PRICKLE4: variants seen among roughly 807,000 people sequenced by gnomAD.
PRICKLE4 encodes the protein prickle-like protein 4.
In PRICKLE4, 40 loss-of-function variants were observed where a neutral mutation model predicts 43.5. The observed-to-expected ratio is 0.92, with a 90% CI of 0.71 to 1.20. The LOEUF (loss-of-function observed/expected upper bound fraction) is 1.20. Among genes scored for constraint, PRICKLE4 ranks in the 50% most tolerant of loss-of-function variants. The pLI, the probability that PRICKLE4 is intolerant of heterozygous loss-of-function variation, is 0.00. For synonymous variants in PRICKLE4, 208 were observed against 197.4 expected (o/e 1.05, Z -0.45); for missense variants, 527 against 491.2 (o/e 1.07, Z -0.69).
chr6:41,786,243 G>A lies in PRICKLE4; in HGVS notation c.698G>A (p.Gly233Glu). ...GGGGGACGTTATGCCCTGCCTGGGG[G>A]AAGCCCCTGCTGCCCCAGCTGCTTC... ...LGGGRYALPG[G>E]SPCCPSCFEN... Residue 233 changes from glycine to glutamate, a missense_variant, in exon 7 of 8, where the codon GGA becomes GAA. Coordinates refer to ENST00000458694, the MANE Select transcript of PRICKLE4 (RefSeq NM_013397.6). 6 of 1,602,414 alleles carry A rather than the reference G, an allele frequency of 3.7e-6. No individual in the cohort carries two copies. Among genetic ancestry groups the A allele is most frequent in the Non-Finnish European group, 5.1e-6 (6 of 1,171,336 alleles).
chr6:41,784,485 G>A (rs946643788), intron 4 of PRICKLE4, among the ~76,000 whole-genome samples: 1 of 152,220 alleles, frequency 6.6e-6, no homozygotes, highest in Non-Finnish European at 1.5e-5. Context: ...GGACATGAAC[G>A]ACTTTTGAAA....
intron 2 of PRICKLE4, among the ~76,000 whole-genome samples, chr6:41,782,614 G>A (rs1201611295): frequency 2.0e-5 from 3 of 149,940 alleles, no homozygotes; most frequent in Admixed American, 1.3e-4. Context: ...GGATGGTCTC[G>A]ATCTCCTGAC....
In PRICKLE4 at chr6:41,783,544, C is replaced by T. The variant is rs2127305727; in HGVS notation, c.71C>T (p.Ala24Val). 2.5e-6 allele frequency: 4 copies of T among 1,612,650 alleles called. No homozygotes were observed. The highest frequency in any genetic ancestry group is 2.2e-5 in the South Asian group (2 of 90,984). The change falls in exon 3 of 8, where the codon GCC becomes GTC. Residue 24 changes from alanine to valine, a missense_variant. Coordinates refer to ENST00000458694, the MANE Select transcript of PRICKLE4 (RefSeq NM_013397.6). The stretch of plus-strand genomic sequence containing the variant: ...AAGCCCCAGGATCCAGGTCCACCAG[C>T]CAACTCAGACAGTGACTCAGGCCAC... ...SPKPQDPGPPANSDSDSGHLP... is the reference protein window; with the variant it reads ...SPKPQDPGPPVNSDSDSGHLP...
At chr6:41,781,800 A>G (rs1398386989) in intron 2 of PRICKLE4, among the ~76,000 whole-genome samples, 1 of 152,174 alleles carries the variant, frequency 6.6e-6, no homozygotes, top group African/African-American at 2.4e-5. Flanking sequence ...GGGCAAGTTA[A>G]TTAACTTGTT....
chr6:41,786,520 G>C, intron 7 of PRICKLE4, 188 bp downstream of exon 7: 1 of 1,026,974 alleles, frequency 9.7e-7, no homozygotes, highest in Non-Finnish European at 1.4e-6. Context: ...AGCGTTCCAA[G>C]GGCCGCCCGA....
At position 41,785,089 on chromosome 6, in the gene PRICKLE4, C is replaced by T. The variant is rs748704693; in HGVS notation, c.378+17C>T. The T allele has an allele frequency of 5.0e-6, 8 of 1,612,526 alleles. No individual in the cohort carries two copies. The highest frequency in any genetic ancestry group is 6.8e-6 in the Non-Finnish European group (8 of 1,179,492). On this transcript the variant is annotated intron_variant, in intron 5 of 7. Transcript: ENST00000458694. ...TGTGAGAAGGTATGTAGCACCCCTC[C>T]CCCCAAATTCCCCTTCCTCTATTCT...
intron 7 of PRICKLE4, 127 bp from the exon 8 acceptor site, chr6:41,786,635 C>T (rs778051547): frequency 3.6e-5 from 51 of 1,408,960 alleles, no homozygotes; most frequent in African/African-American, 8.9e-5. Context: ...GGACTCTCGG[C>T]GGCGGCGGCG....
chr6:41,783,372 TGAGGGAAATA>T, intron 2 of PRICKLE4, 80 bp from the exon 3 acceptor site: 1 of 1,300,628 alleles, frequency 7.7e-7, no homozygotes, highest in South Asian at 1.7e-5. Flanking sequence ...TTGGGAGGAC[TGAGGGAAATA>T]ATATCTATAA....
intron 3 of PRICKLE4, 170 bp downstream of exon 3, chr6:41,783,775 C>G: frequency 1.0e-6 from 1 of 952,724 alleles, no homozygotes; most frequent in Non-Finnish European, 1.7e-6. Flanking sequence ...GGGGTTTTGA[C>G]TTTAAACTCA....
chr6:41,786,185 T>C lies in PRICKLE4; in HGVS notation c.640T>C (p.Phe214Leu), dbSNP rs1245723112. The stretch of plus-strand genomic sequence containing the variant: ...GGGACAGCGCTGGCATGAGAACCAC[T>C]TCTGTTGCCAGGACTGCGCCGGGCC... Reference protein sequence around the residue: ...AEGQRWHENHFCCQDCAGPLG... With the variant: ...AEGQRWHENHLCCQDCAGPLG... Residue 214 changes from phenylalanine to leucine, a missense_variant, in exon 7 of 8, where the codon TTC becomes CTC. By Grantham distance (22) the Phe-to-Leu change is conservative. Transcript: ENST00000458694. 1 of 1,612,678 alleles carries C rather than the reference T, an allele frequency of 6.2e-7. No homozygotes were observed.
chr6:41,786,276 GCTA>G lies in PRICKLE4; in HGVS notation c.734_736del (p.Tyr245del). ...TGCTGCCCCAGCTGCTTCGAGAACC[GCTA>G]CTCGGATGCAGGCTCGAGCTGGGCC... On this transcript the variant is annotated inframe_deletion, in exon 7 of 8. Transcript: ENST00000458694. The G allele has an allele frequency of 6.3e-7, 1 of 1,596,310 alleles. No individual in the cohort carries two copies. The highest frequency in any genetic ancestry group is 8.6e-7 in the Non-Finnish European group (1 of 1,167,496).
chr6:41,786,673 G>A (rs1286920451), intron 7 of PRICKLE4, 89 bp from the exon 8 acceptor site: 12 of 1,590,596 alleles, frequency 7.5e-6, no homozygotes, highest in Non-Finnish European at 7.7e-6. Context: ...GCTGGGCGGG[G>A]CGGGAGGCTG....
rs1272303712 is a variant in PRICKLE4 at position 41,785,523 on chromosome 6, T to TGCCC, written c.567_570dup (p.Ala191ProfsTer4). On this transcript the variant is annotated frameshift_variant, in exon 6 of 8. Transcript: ENST00000458694. LOFTEE classifies it high-confidence loss of function. ...TCATGCAGAGTTGCTGCGCCCGCGC[T>TGCCC]GCCCGGCTTGTGACCAGGTACAGCC... The TGCCC allele has an allele frequency of 6.2e-7, 1 of 1,613,142 alleles. No individual in the cohort carries two copies. The highest frequency in any genetic ancestry group is 1.7e-5 in the Admixed American group (1 of 60,024).
At position 41,785,084 on chromosome 6, in the gene PRICKLE4, C is replaced by T; in HGVS notation, c.378+12C>T. The stretch of plus-strand genomic sequence containing the variant: ...ACACCTGTGAGAAGGTATGTAGCAC[C>T]CCTCCCCCCAAATTCCCCTTCCTCT... On this transcript the variant is annotated intron_variant, in intron 5 of 7. Coordinates refer to ENST00000458694, the MANE Select transcript of PRICKLE4 (RefSeq NM_013397.6). 6.2e-7 allele frequency: 1 copy of T among 1,612,988 alleles called. No individual in the cohort carries two copies. Among genetic ancestry groups the T allele is most frequent in the African/African-American group, 1.3e-5 (1 of 74,988 alleles).
intron 3 of PRICKLE4, chr6:41,783,856 C>A: frequency 1.3e-6 from 1 of 754,438 alleles, no homozygotes; most frequent in Non-Finnish European, 2.4e-6. Flanking sequence ...GCTTTGGCCC[C>A]AAGGCGTGAA....
chr6:41,786,610 G>A, intron 7 of PRICKLE4, 152 bp from the exon 8 acceptor site: 1 of 1,315,168 alleles, frequency 7.6e-7, no homozygotes, highest in Non-Finnish European at 1.0e-6. Context: ...TGGTGGAGGC[G>A]GGGGACCCTG....
At chr6:41,783,872 TTAAGAAGGGAAAGCA>T (rs1344215702) in intron 3 of PRICKLE4, 3 of 736,666 alleles carry the variant, frequency 4.1e-6, no homozygotes, top group Non-Finnish European at 7.3e-6. Context: ...GTGAAGGGGG[TTAAGAAGGGAAAGCA>T]TAAGAAGGGA....
At chr6:41,785,677 G>C (rs1450422161) in intron 6 of PRICKLE4, 137 bp downstream of exon 6, 1 of 911,986 alleles carries the variant, frequency 1.1e-6, no homozygotes, top group East Asian at 2.6e-5. Context: ...GGACTACCAA[G>C]TTCCCTGTGT....
At chr6:41,784,837 C>A in intron 4 of PRICKLE4, 98 bp from the exon 5 acceptor site, 1 of 1,496,478 alleles carries the variant, frequency 6.7e-7, no homozygotes, top group Non-Finnish European at 9.1e-7. Context: ...GTTCTACAAC[C>A]TTTCTCTGAC....
Sources: gnomAD v4.1 joint callset for allele counts (sites outside exome capture counted in the v4.1 genomes callset) on GRCh38, gnomAD v4.1.1 for gene constraint, MANE v1.5 for transcripts, NCBI Gene and HGNC (gene_info 2026-07-23, HGNC 2026-07-21) for gene names.